Variants in COL28A1 observed in about 807,000 individuals in gnomAD.
COL28A1 encodes collagen alpha-1(XXVIII) chain.
Under a neutral mutation model 150.2 loss-of-function variants are expected in COL28A1, and 161 were observed. The observed-to-expected ratio is 1.07, with a 90% CI of 0.94 to 1.22. COL28A1 has a LOEUF of 1.22. COL28A1 is among the 50% of genes most tolerant of loss of function. COL28A1 has a pLI of 0.00. For synonymous variants in COL28A1, 552 were observed against 469.7 expected, an observed-to-expected ratio of 1.18 and a Z score of -2.26; for missense variants, 1,617 against 1,388.3, an observed-to-expected ratio of 1.16 and a Z score of -2.62.
At chr7:7,452,662 G>C (rs142217375) in intron 17 of COL28A1, among the ~76,000 whole-genome samples, 1 of 152,200 alleles carries the variant, frequency 6.6e-6, no homozygotes, top group Non-Finnish European at 1.5e-5. Flanking sequence ...CCCTTGTGGA[G>C]GGTATCTGGA....
intron 25 of COL28A1, among the ~76,000 whole-genome samples, chr7:7,428,769 G>C (rs775701190): frequency 6.6e-6 from 1 of 152,166 alleles, no homozygotes; most frequent in African/African-American, 2.4e-5. Flanking sequence ...ATGTTTCAAA[G>C]GTGAGTTTAA....
At position 7,452,353 on chromosome 7, in the gene COL28A1, C is replaced by G; in HGVS notation, c.1475G>C (p.Arg492Pro). The stretch of plus-strand genomic sequence containing the variant: ...TTGTACTCCAATTCCCACTGGTCCT[C>G]GAGGGCCTGTAGGTCCCATTTGGCC... Reference protein sequence around the residue: ...EVGQMGPTGPRGPVGIGVQGP... With the variant: ...EVGQMGPTGPPGPVGIGVQGP... The change falls in exon 18 of 35, where the codon CGA becomes CCA. Residue 492 changes from arginine (R) to proline (P), a missense_variant. Transcript: ENST00000399429. 6.2e-7 allele frequency: 1 copy of G among 1,606,134 alleles called. No individual in the cohort carries two copies. The highest frequency in any genetic ancestry group is 1.1e-5 in the South Asian group (1 of 89,174).
At chr7:7,383,682 G>GTGTATATATATATATATATATA (rs1554262302) in intron 27 of COL28A1, among the ~76,000 whole-genome samples, 1 of 124,096 alleles carries the variant, frequency 8.1e-6, no homozygotes, top group South Asian at 2.7e-4. Context: ...GTGTGTGTGT[G>GTGTATATATATATATATATATA]TATATATATA....
At chr7:7,378,430 G>C (rs1034801260) in intron 30 of COL28A1, among the ~76,000 whole-genome samples, 2 of 152,162 alleles carry the variant, frequency 1.3e-5, no homozygotes, top group African/African-American at 2.4e-5. Context: ...CAGACACCGG[G>C]AAATGCTAAC....
chr7:7,443,827 A>C (rs1280498994), intron 19 of COL28A1, among the ~76,000 whole-genome samples, 174 bp from the exon 20 acceptor site: 3 of 152,196 alleles, frequency 2.0e-5, no homozygotes, highest in Non-Finnish European at 4.4e-5. Flanking sequence ...GAAATAAAGT[A>C]ACATCAAACT....
At chr7:7,458,203 G>A (rs1353895748) in intron 15 of COL28A1, among the ~76,000 whole-genome samples, 1 of 152,172 alleles carries the variant, frequency 6.6e-6, no homozygotes, top group Non-Finnish European at 1.5e-5. Context: ...GATCCCCTGA[G>A]ATCGGGAGTT....
intron 27 of COL28A1, among the ~76,000 whole-genome samples, chr7:7,400,381 A>G (rs1041256022): frequency 6.6e-6 from 1 of 152,214 alleles, no homozygotes; most frequent in African/African-American, 2.4e-5. Flanking sequence ...CAGACAGAAA[A>G]GATGGAAACC....
intron 27 of COL28A1, among the ~76,000 whole-genome samples, chr7:7,411,543 TC>T (rs1783792447): frequency 6.6e-6 from 1 of 152,088 alleles, no homozygotes; most frequent in South Asian, 2.1e-4. Flanking sequence ...GCCAGCTTTG[TC>T]CCCCTCCCCT....
intron 7 of COL28A1, 128 bp downstream of exon 7, chr7:7,517,668 G>C: frequency 7.4e-7 from 1 of 1,345,736 alleles, no homozygotes; most frequent in East Asian, 2.3e-5. Context: ...TTGCCTTCTT[G>C]AGCCATCAAG....
At chr7:7,453,914 C>T (rs567900344) in intron 16 of COL28A1, among the ~76,000 whole-genome samples, 1 of 152,106 alleles carries the variant, frequency 6.6e-6, no homozygotes, top group East Asian at 1.9e-4. Flanking sequence ...CAGGATCATG[C>T]AGATGAGGAA....
intron 15 of COL28A1, among the ~76,000 whole-genome samples, chr7:7,466,072 T>C (rs1788058571): frequency 1.5e-5 from 2 of 134,166 alleles, no homozygotes; most frequent in East Asian, 2.3e-4. Flanking sequence ...AGGAACGCAG[T>C]TCCTCACCAG....
At chr7:7,423,144 C>T (rs1784467874) in intron 25 of COL28A1, among the ~76,000 whole-genome samples, 1 of 152,142 alleles carries the variant, frequency 6.6e-6, no homozygotes, top group Non-Finnish European at 1.5e-5. Flanking sequence ...AGAGTTCTTA[C>T]ATTTGAATGA....
At chr7:7,487,922 T>C (rs1050646694) in intron 13 of COL28A1, among the ~76,000 whole-genome samples, 1 of 152,166 alleles carries the variant, frequency 6.6e-6, no homozygotes, top group Non-Finnish European at 1.5e-5. Context: ...GCAACCACTG[T>C]AGCTGCCCAT....
chr7:7,338,231 T>A, the COL28A1 span, among the ~76,000 whole-genome samples: 65 of 152,262 alleles, frequency 4.3e-4, no homozygotes, highest in African/African-American at 1.5e-3. Flanking sequence ...TTTTTTCTAA[T>A]TATGTGAAAA....
chr7:7,440,998 C>T (rs529598595), intron 20 of COL28A1, 137 bp from the exon 21 acceptor site: 9 of 477,588 alleles, frequency 1.9e-5, no homozygotes, highest in South Asian at 1.5e-4. Flanking sequence ...AGCTCAATTG[C>T]GCAGGATTCG....
intron 26 of COL28A1, among the ~76,000 whole-genome samples, chr7:7,418,599 C>A (rs1583326630): frequency 2.0e-5 from 3 of 152,260 alleles, no homozygotes; most frequent in Admixed American, 2.0e-4. Flanking sequence ...CGTTGCTTAT[C>A]CCAGAAGTTC....
chr7:7,521,052 T>C (rs1781696751), intron 5 of COL28A1, among the ~76,000 whole-genome samples: 1 of 152,182 alleles, frequency 6.6e-6, no homozygotes, highest in African/African-American at 2.4e-5. Context: ...TCATTCACAG[T>C]ACACATTCCC....
In COL28A1 at chr7:7,459,026, A is replaced by T. The variant is rs937062783; in HGVS notation, c.1303-2914T>A. ...GAATCACAAACATCAAGCCCTCTGAATCTAGTGTTATATGTAAAAGAACAG... is the reference window on the plus strand; with the variant it reads ...GAATCACAAACATCAAGCCCTCTGATTCTAGTGTTATATGTAAAAGAACAG... On this transcript the variant is annotated intron_variant, in intron 15 of 34. Transcript: ENST00000399429. 2.0e-5 allele frequency among the ~76,000 whole-genome samples: 3 copies of T among 152,236 alleles called. No homozygotes were observed. The South Asian group carries it at 6.2e-4, about 31-fold the overall frequency.
intron 34 of COL28A1, among the ~76,000 whole-genome samples, chr7:7,360,008 C>T (rs1167597033): frequency 6.6e-6 from 1 of 152,100 alleles, no homozygotes; most frequent in Non-Finnish European, 1.5e-5. Context: ...GTTTCTCTTT[C>T]CTGTGCAATA....
Sources: allele counts gnomAD v4.1 joint callset (sites outside exome capture counted in the v4.1 genomes callset), GRCh38; gene constraint gnomAD v4.1.1; transcripts MANE v1.5; gene names NCBI Gene and HGNC (gene_info 2026-07-23, HGNC 2026-07-21).